Variants in TBC1D19 observed in about 807,000 individuals in gnomAD.
TBC1D19 encodes TBC1 domain family member 19.
TBC1D19 carries 60 observed loss-of-function variants against 89.0 expected under a neutral mutation model. The observed-to-expected ratio is 0.67, with a 90% CI of 0.55 to 0.84. The LOEUF is 0.84. Ranked by LOEUF, TBC1D19 falls within the 40% of genes least tolerant of loss-of-function variation. The pLI, the probability that TBC1D19 is intolerant of heterozygous loss-of-function variation, is 0.00. For synonymous variants in TBC1D19, 189 were observed against 199.7 expected, an observed-to-expected ratio of 0.95 and a Z score of 0.45; for missense variants, 500 against 610.8, an observed-to-expected ratio of 0.82 and a Z score of 1.91.
chr4:26,630,049 G>GT (rs1008284328), intron 4 of TBC1D19, among the ~76,000 whole-genome samples: 4 of 150,750 alleles, frequency 2.7e-5, no homozygotes, highest in Non-Finnish European at 4.4e-5. Context: ...TAATTTCATT[G>GT]TTTTTTTTAC....
At chr4:26,832,864 T>G in the TBC1D19 span, among the ~76,000 whole-genome samples, 2 of 151,954 alleles carry the variant, frequency 1.3e-5, no homozygotes, top group Non-Finnish European at 2.9e-5. Context: ...CTTGGTGGCA[T>G]GTGCCTGTAA....
chr4:26,670,718 C>T (rs1290628171), intron 9 of TBC1D19, among the ~76,000 whole-genome samples: 1 of 151,652 alleles, frequency 6.6e-6, no homozygotes, highest in East Asian at 1.9e-4. Context: ...CCCTTAGGCA[C>T]ACATTCAGAT....
At chr4:26,640,080 T>C in intron 6 of TBC1D19, 61 bp from the exon 7 acceptor site, 1 of 1,160,396 alleles carries the variant, frequency 8.6e-7, no homozygotes, top group Non-Finnish European at 1.3e-6. Context: ...GATTAACATT[T>C]ATTTAATAAG....
the TBC1D19 span, among the ~76,000 whole-genome samples, chr4:26,831,768 T>G: frequency 6.6e-6 from 1 of 152,102 alleles, no homozygotes; most frequent in East Asian, 1.9e-4. Flanking sequence ...TTTTTTTGTA[T>G]TTTTAGTAGA....
At chr4:26,742,447 G>C in intron 17 of TBC1D19, 61 bp from the exon 18 acceptor site, 1 of 1,331,472 alleles carries the variant, frequency 7.5e-7, no homozygotes, top group Non-Finnish European at 1.0e-6. Context: ...TAATTTGTTG[G>C]CATAGTTAAT....
In TBC1D19 at chr4:26,637,520, C is replaced by CGTGT. The variant is rs1560434794; in HGVS notation, c.369+236_369+237insTGTG. Among the ~76,000 whole-genome samples, 5 of 152,020 alleles carry CGTGT rather than the reference C, an allele frequency of 3.3e-5. No individual in the cohort carries two copies. In the East Asian group the frequency reaches 9.7e-4, roughly 29 times the overall value. Reference sequence around the variant, plus strand: ...CCAAGTAGCTGGGACTACAGGCACCCGCCACCAGGTCTGGCTAATTTTTTT... The same window carrying CGTGT: ...CCAAGTAGCTGGGACTACAGGCACCCGTGTGCCACCAGGTCTGGCTAATTTTTTT... On this transcript the variant is annotated intron_variant, in intron 5 of 20. Transcript: ENST00000264866.
At chr4:26,587,497 AACCTG>A (rs1739486525) in intron 1 of TBC1D19, among the ~76,000 whole-genome samples, 1 of 151,378 alleles carries the variant, frequency 6.6e-6, no homozygotes. Flanking sequence ...GGATGGCTTG[AACCTG>A]GGTAGCAGAG....
intron 1 of TBC1D19, among the ~76,000 whole-genome samples, chr4:26,609,872 C>T (rs1039473041): frequency 9.2e-5 from 14 of 151,744 alleles, no homozygotes; most frequent in African/African-American, 3.1e-4. Flanking sequence ...ACTTGGGATA[C>T]GGATAGTAAA....
At chr4:26,626,924 A>G (rs981434035) in intron 4 of TBC1D19, among the ~76,000 whole-genome samples, 4 of 148,754 alleles carry the variant, frequency 2.7e-5, no homozygotes, top group Admixed American at 6.7e-5. Context: ...GTTTCAGGGT[A>G]CATGTGCACA....
At chr4:26,754,266 T>C (rs1189683779) in intron 20 of TBC1D19, 1 of 179,640 alleles carries the variant, frequency 5.6e-6, no homozygotes, top group Non-Finnish European at 1.2e-5. Flanking sequence ...ATTTGGATGA[T>C]ATAGTGAAGA....
chr4:26,787,759 C>G, the TBC1D19 span, among the ~76,000 whole-genome samples: 2 of 152,188 alleles, frequency 1.3e-5, no homozygotes, highest in East Asian at 3.9e-4. Context: ...TCTGGACCCC[C>G]TTTCCTCTAA....
chr4:26,675,329 C>A (rs932989744), intron 11 of TBC1D19, among the ~76,000 whole-genome samples: 5 of 151,742 alleles, frequency 3.3e-5, no homozygotes, highest in African/African-American at 1.2e-4. Context: ...AATAATAATC[C>A]CAGGTAATCA....
intron 4 of TBC1D19, among the ~76,000 whole-genome samples, chr4:26,626,291 T>C (rs1341519741): frequency 2.0e-5 from 3 of 152,168 alleles, no homozygotes; most frequent in East Asian, 1.9e-4. Context: ...CCTATTTCCA[T>C]GTAAAATACC....
the TBC1D19 span, among the ~76,000 whole-genome samples, chr4:26,850,226 G>T: frequency 0.31 from 47,197 of 151,670 alleles, 7,364 homozygotes; most frequent in Admixed American, 0.34. Flanking sequence ...TCCTAATTCA[G>T]TATGGCTAGT....
chr4:26,754,533 G>T (rs1354938850), intron 20 of TBC1D19, among the ~76,000 whole-genome samples: 2 of 152,176 alleles, frequency 1.3e-5, no homozygotes, highest in African/African-American at 4.8e-5. Flanking sequence ...CCTGCAGTCA[G>T]TTACTACTTA....
the TBC1D19 span, among the ~76,000 whole-genome samples, chr4:26,807,800 G>A: frequency 6.6e-6 from 1 of 152,194 alleles, no homozygotes; most frequent in Non-Finnish European, 1.5e-5. Context: ...AGGTTGATAG[G>A]ACAATGCAGA....
chr4:26,794,534 T>A, the TBC1D19 span, among the ~76,000 whole-genome samples: 1 of 152,056 alleles, frequency 6.6e-6, no homozygotes, highest in Non-Finnish European at 1.5e-5. Context: ...AACAAAAAAG[T>A]ATGATCTTTT....
intron 4 of TBC1D19, among the ~76,000 whole-genome samples, chr4:26,625,040 G>C (rs1742305020): frequency 6.6e-6 from 1 of 151,758 alleles, no homozygotes; most frequent in Admixed American, 6.6e-5. Flanking sequence ...ATTTTGAATT[G>C]TACCCTGGAA....
At chr4:26,851,311 ATC>A in the TBC1D19 span, among the ~76,000 whole-genome samples, 7 of 114,900 alleles carry the variant, frequency 6.1e-5, 1 homozygote, top group East Asian at 1.6e-3. Flanking sequence ...TACCCTATCT[ATC>A]TATCTATCTA....
Sources: gnomAD v4.1 joint callset for allele counts (sites outside exome capture counted in the v4.1 genomes callset) on GRCh38, gnomAD v4.1.1 for gene constraint, MANE v1.5 for transcripts, NCBI Gene and HGNC (gene_info 2026-07-23, HGNC 2026-07-21) for gene names.